Variants in BOP1 observed in about 807,000 individuals in gnomAD.
The protein encoded by BOP1 is ribosome biogenesis protein BOP1.
A neutral mutation model predicts 82.9 loss-of-function variants in BOP1; 54 were observed. That is an observed-to-expected ratio of 0.65 (90% CI 0.52 to 0.82). BOP1 has a LOEUF of 0.82. Ranked by LOEUF, BOP1 falls within the 40% of genes least tolerant of loss-of-function variation. The pLI, the probability that BOP1 is intolerant of heterozygous loss-of-function variation, is 0.00. For synonymous variants in BOP1, 566 were observed against 451.1 expected, an observed-to-expected ratio of 1.25 and a Z score of -3.23; for missense variants, 1,170 against 1,072.0, an observed-to-expected ratio of 1.09 and a Z score of -1.28.
At chr8:144,268,182 G>A (rs1257505573) in intron 3 of BOP1, 6 of 1,548,992 alleles carry the variant, frequency 3.9e-6, no homozygotes, top group African/African-American at 1.4e-5. Context: ...CGCTGCTGGG[G>A]GAGGTGGACG....
intron 2 of BOP1, among the ~76,000 whole-genome samples, chr8:144,281,117 CAGTTTAAT>C (rs1845670407): frequency 7.0e-6 from 1 of 143,622 alleles, no homozygotes; most frequent in Non-Finnish European, 1.5e-5. Context: ...GGCCTTCTCT[CAGTTTAAT>C]ACCAGGTCTT....
chr8:144,266,589 C>T, intron 3 of BOP1: 1 of 1,090,554 alleles, frequency 9.2e-7, no homozygotes, highest in South Asian at 2.3e-5. Context: ...CGCGACAGAG[C>T]TGACGCCGCG....
In BOP1 at chr8:144,264,496, CAGGGGCTGT is replaced by C. The variant is rs1278337435; in HGVS notation, c.765+10_765+18del. The C allele has an allele frequency of 6.2e-7, 1 of 1,609,106 alleles. No homozygotes were observed. Among genetic ancestry groups the C allele is most frequent in the Non-Finnish European group, 8.5e-7 (1 of 1,178,986 alleles). On this transcript the variant is annotated intron_variant, in intron 6 of 15. Coordinates refer to ENST00000569669, the MANE Select transcript of BOP1 (RefSeq NM_015201.5). ...GGGGCGGTCAGCCCAGGCCAAGCCCCAGGGGCTGTGTGCCCCACCTTCTCCTTCTCCACC... is the reference window on the plus strand; with the variant it reads ...GGGGCGGTCAGCCCAGGCCAAGCCCCGTGCCCCACCTTCTCCTTCTCCACC...
intron 2 of BOP1, among the ~76,000 whole-genome samples, chr8:144,283,977 C>A (rs115256422): frequency 1.3e-5 from 2 of 152,112 alleles, no homozygotes; most frequent in African/African-American, 4.8e-5. Context: ...ATTAGCCGGG[C>A]GTGATGACGG....
intron 3 of BOP1, among the ~76,000 whole-genome samples, chr8:144,275,430 C>T (rs1034989972): frequency 5.0e-5 from 7 of 140,546 alleles, no homozygotes; most frequent in Admixed American, 3.4e-4. Flanking sequence ...AGCCTCTCCA[C>T]GCCGGCGGAA....
In BOP1 at chr8:144,264,595, C is replaced by A; in HGVS notation, c.685G>T (p.Gly229Trp). The stretch of plus-strand genomic sequence containing the variant: ...GTCACCGGGTGGATCATGACGTCCC[C>A]GCTGAAGAAGTCGACAGCCGGCTGG... ...PYEPAVDFFSGDVMIHPVTNR... is the reference protein window; with the variant it reads ...PYEPAVDFFSWDVMIHPVTNR... Residue 229 changes from glycine (G) to tryptophan (W), a missense_variant, in exon 6 of 16, where the codon GGG (glycine) becomes TGG (tryptophan). By Grantham distance (184) the Gly-to-Trp change is radical (BLOSUM62 -2). Coordinates refer to ENST00000569669, the MANE Select transcript of BOP1 (RefSeq NM_015201.5). 6.2e-7 allele frequency: 1 copy of A among 1,605,316 alleles called. No individual in the cohort carries two copies. The highest frequency in any genetic ancestry group is 8.5e-7 in the Non-Finnish European group (1 of 1,176,348).
intron 3 of BOP1, among the ~76,000 whole-genome samples, chr8:144,267,635 C>G (rs967014307): frequency 7.0e-4 from 106 of 152,334 alleles, no homozygotes; most frequent in Middle Eastern, 3.4e-3. Flanking sequence ...ACCTGCTGTC[C>G]GTCCCCCACC....
chr8:144,280,994 TCTCACTTTCATACCAGGTCTTCGGCCTTC>T (rs1845662993), intron 2 of BOP1, among the ~76,000 whole-genome samples: 1 of 146,184 alleles, frequency 6.8e-6, no homozygotes, highest in African/African-American at 2.5e-5. Context: ...TTCGGCCTTC[TCTCACTTTCATACCAGGTCTTCGGCCTTC>T]TCTCACTTTA....
chr8:144,262,377 A>G lies in BOP1; in HGVS notation c.2087+19T>C. On this transcript the variant is annotated intron_variant, in intron 15 of 15. Coordinates refer to ENST00000569669, the MANE Select transcript of BOP1 (RefSeq NM_015201.5). Reference sequence around the variant, plus strand: ...ACACCACTGCCCTGGGGAGGGGGCCAGGCAGGGTCAGCACTCACTTGTACA... The same window carrying G: ...ACACCACTGCCCTGGGGAGGGGGCCGGGCAGGGTCAGCACTCACTTGTACA... 6.2e-7 allele frequency: 1 copy of G among 1,612,636 alleles called. No homozygotes were observed. The highest frequency in any genetic ancestry group is 8.5e-7 in the Non-Finnish European group (1 of 1,179,772).
At chr8:144,262,733 CCCGTCA>C in intron 13 of BOP1, 61 bp from the exon 14 acceptor site, 1 of 1,545,118 alleles carries the variant, frequency 6.5e-7, no homozygotes, top group South Asian at 1.2e-5. Context: ...CACTGCCCTG[CCCGTCA>C]CCTACACCCC....
At chr8:144,268,811 AG>A (rs1845440920) in intron 3 of BOP1, among the ~76,000 whole-genome samples, 2 of 151,972 alleles carry the variant, frequency 1.3e-5, no homozygotes, top group African/African-American at 4.8e-5. Flanking sequence ...ACAGGGAGGC[AG>A]CGGCAGGGAC....
At chr8:144,282,445 T>G (rs943078041) in intron 2 of BOP1, among the ~76,000 whole-genome samples, 2 of 151,774 alleles carry the variant, frequency 1.3e-5, no homozygotes, top group Non-Finnish European at 2.9e-5. Context: ...GGAGATGGGG[T>G]GGGCCCTGGG....
chr8:144,276,289 G>A lies in BOP1; in HGVS notation c.325C>T (p.Pro109Ser). 1.2e-6 allele frequency: 2 copies of A among 1,613,426 alleles called. No homozygotes were observed. The highest frequency in any genetic ancestry group is 1.1e-5 in the South Asian group (1 of 91,076). ...CGGGCGCTCGCCATCTCTGTCCTCGGGCAAGGAGTGCTGGCCTGCAGAGAG... is the reference window on the plus strand; with the variant it reads ...CGGGCGCTCGCCATCTCTGTCCTCGAGCAAGGAGTGCTGGCCTGCAGAGAG... The part of the protein sequence containing the change: ...EEQVQASTPC[P>S]RTEMASARIG... Residue 109 changes from proline to serine, a missense_variant, in exon 3 of 16, where the codon CCG (proline) becomes TCG (serine). Pro to Ser is a moderately conservative substitution (Grantham distance 74, BLOSUM62 -1). Transcript: ENST00000569669.
chr8:144,271,699 G>A (rs1239393585), intron 3 of BOP1, among the ~76,000 whole-genome samples: 2 of 151,986 alleles, frequency 1.3e-5, no homozygotes, highest in East Asian at 3.9e-4. Context: ...AGGGGAGAAA[G>A]CCAGGTCCTG....
Position 144,262,139 on chromosome 8 carries a change from C to A in BOP1, c.*25G>T. ...GGCTCTGTTGACTTCAGCACGACCA[C>A]CCCAGCCCCAGGCAGGCAGAACAGC... On this transcript the variant is annotated 3_prime_UTR_variant, in exon 16 of 16. Transcript: ENST00000569669. 2 of 1,611,594 alleles carry A rather than the reference C, an allele frequency of 1.2e-6. No individual in the cohort carries two copies. The highest frequency in any genetic ancestry group is 1.1e-5 in the South Asian group (1 of 91,026).
intron 2 of BOP1, among the ~76,000 whole-genome samples, chr8:144,287,095 C>T (rs1318712610): frequency 4.0e-5 from 6 of 150,476 alleles, no homozygotes; most frequent in African/African-American, 9.8e-5. Context: ...CTGCAACCTC[C>T]GCCTCCCAGG....
In BOP1 at chr8:144,264,591, T is replaced by C. The variant is rs2130199798; in HGVS notation, c.689A>G (p.Asp230Gly). 5 of 1,606,424 alleles carry C rather than the reference T, an allele frequency of 3.1e-6. No homozygotes were observed. The South Asian group carries it at 5.5e-5, about 18-fold the overall frequency. ...YEPAVDFFSG[D>G]VMIHPVTNRP... ...GTTGGTCACCGGGTGGATCATGACG[T>C]CCCCGCTGAAGAAGTCGACAGCCGG... The change falls in exon 6 of 16, where the codon GAC becomes GGC. Residue 230 changes from aspartate to glycine, a missense_variant. Transcript: ENST00000569669.
At chr8:144,286,136 G>A (rs1814861963) in intron 2 of BOP1, among the ~76,000 whole-genome samples, 1 of 152,212 alleles carries the variant, frequency 6.6e-6, no homozygotes, top group African/African-American at 2.4e-5. Flanking sequence ...GTGCCTGGGT[G>A]GCTTCTGATG....
rs1554836654 is a variant in BOP1 at position 144,262,922 on chromosome 8, G to A, written c.1825C>T (p.Arg609Cys). ...ATCAGCTTCTTGGTGAGCTCCTGGC[G>A]CAGCAGGTGGTAGAGGCGGACGCTG... ...QRSVRLYHLL[R>C]QELTKKLMPN... is the part of the protein sequence containing the mutation. The change falls in exon 13 of 16, where the codon CGC becomes TGC. Residue 609 changes from arginine (R) to cysteine (C), a missense_variant. By Grantham distance (180) the Arg-to-Cys change is radical. Coordinates refer to ENST00000569669, the MANE Select transcript of BOP1 (RefSeq NM_015201.5). 1.7e-5 allele frequency: 26 copies of A among 1,549,810 alleles called. No individual in the cohort carries two copies. The highest frequency in any genetic ancestry group is 5.9e-5 in the South Asian group (5 of 85,186).
Sources: allele counts gnomAD v4.1 joint callset (sites outside exome capture counted in the v4.1 genomes callset), GRCh38; gene constraint gnomAD v4.1.1; transcripts MANE v1.5; gene names NCBI Gene and HGNC (gene_info 2026-07-23, HGNC 2026-07-21).